The following PKHD1L1 variants were observed in gnomAD, a reference collection of about 807,000 sequenced individuals.
PKHD1L1 encodes the protein PKHD1 like 1.
In PKHD1L1, 434 loss-of-function variants were observed where a neutral mutation model predicts 462.9. That is an observed-to-expected ratio of 0.94 (90% confidence interval 0.87 to 1.02). The LOEUF is 1.02. PKHD1L1 is among the 50% of genes least tolerant of loss of function. PKHD1L1 has a pLI of 0.00. For missense variants in PKHD1L1, 5,202 were observed against 5,096.1 expected, an observed-to-expected ratio of 1.02 and a Z score of -0.63; for synonymous variants, 1,781 against 1,750.0, an observed-to-expected ratio of 1.02 and a Z score of -0.44.
chr8:109,522,326 G>T lies in PKHD1L1; in HGVS notation c.12172G>T (p.Gly4058Trp). Residue 4058 changes from glycine to tryptophan, a missense_variant, in exon 74 of 78, where the codon GGG (glycine) becomes TGG (tryptophan). Physicochemically the swap from Gly to Trp is radical, Grantham distance 184. Coordinates refer to ENST00000378402, the MANE Select transcript of PKHD1L1 (RefSeq NM_177531.6). Reference protein sequence around the residue: ...TNPLPSPSDSGWIKVTAQPVE... With the variant: ...TNPLPSPSDSWWIKVTAQPVE... ...TCCCCTCCCCAGCCCAAGTGACTCTGGGTGGATTAAGGTAAGAAAATGCAA... is the reference window on the plus strand; with the variant it reads ...TCCCCTCCCCAGCCCAAGTGACTCTTGGTGGATTAAGGTAAGAAAATGCAA... 1 of 1,582,256 alleles carries T rather than the reference G, an allele frequency of 6.3e-7. No homozygotes were observed. The highest frequency in any genetic ancestry group is 8.6e-7 in the Non-Finnish European group (1 of 1,167,558).
At chr8:109,369,372 T>C (rs551473906) in intron 2 of PKHD1L1, among the ~76,000 whole-genome samples, 1 of 152,216 alleles carries the variant, frequency 6.6e-6, no homozygotes, top group Non-Finnish European at 1.5e-5. Context: ...GAAATATTTA[T>C]ATACTTGTTT....
intron 72 of PKHD1L1, 146 bp from the exon 73 acceptor site, chr8:109,518,021 T>C: frequency 1.6e-6 from 1 of 614,788 alleles, no homozygotes; most frequent in Non-Finnish European, 2.7e-6. Context: ...AGTGTTTTTG[T>C]TTTTAAAAAG....
At chr8:109,491,165 T>G in intron 61 of PKHD1L1, 64 bp downstream of exon 61, 2 of 1,475,690 alleles carry the variant, frequency 1.4e-6, no homozygotes, top group Non-Finnish European at 1.8e-6. Context: ...CTATATACTC[T>G]AGAGCTACAC....
chr8:109,370,950 A>G (rs1268265255), intron 2 of PKHD1L1, among the ~76,000 whole-genome samples: 1 of 152,168 alleles, frequency 6.6e-6, no homozygotes, highest in African/African-American at 2.4e-5. Context: ...GCTATTGTGA[A>G]TAGTGCCGCA....
chr8:109,471,081 A>T, intron 50 of PKHD1L1: 8 of 1,556,492 alleles, frequency 5.1e-6, no homozygotes, highest in South Asian at 2.2e-5. Context: ...CAAATTCCTC[A>T]TCAAACATAC....
intron 43 of PKHD1L1, 61 bp downstream of exon 43, chr8:109,452,935 T>TTAA: frequency 8.1e-7 from 1 of 1,231,514 alleles, no homozygotes; most frequent in African/African-American, 1.6e-5. Context: ...TGAAACTGAT[T>TTAA]TAATCAAAAT....
intron 43 of PKHD1L1, 66 bp downstream of exon 43, chr8:109,452,940 C>A: frequency 4.1e-6 from 5 of 1,207,252 alleles, no homozygotes; most frequent in South Asian, 2.8e-5. Context: ...CTGATTTAAT[C>A]AAAATCCACA....
At chr8:109,515,936 A>T (rs1820246167) in intron 72 of PKHD1L1, among the ~76,000 whole-genome samples, 1 of 152,118 alleles carries the variant, frequency 6.6e-6, no homozygotes. Flanking sequence ...TTCTGATATG[A>T]TCCATATTCT....
At chr8:109,414,542 G>A (rs1486857209) in intron 21 of PKHD1L1, among the ~76,000 whole-genome samples, 1 of 150,766 alleles carries the variant, frequency 6.6e-6, no homozygotes, top group Non-Finnish European at 1.5e-5. Context: ...TATTTTATAT[G>A]GGTCTATACA....
Position 109,465,225 on chromosome 8 carries a change from A to C in PKHD1L1, c.8393A>C (p.Asp2798Ala). The C allele has an allele frequency of 6.2e-7, 1 of 1,613,008 alleles. No individual in the cohort carries two copies. The highest frequency in any genetic ancestry group is 8.5e-7 in the Non-Finnish European group (1 of 1,179,312). ...FRWEHEMVMIDVDGSLTGHKG... is the reference protein window; with the variant it reads ...FRWEHEMVMIAVDGSLTGHKG... ...TGGGAACATGAAATGGTAATGATTG[A>C]TGTTGATGGCTCACTTACAGGTAAT... The change falls in exon 49 of 78, where the codon GAT (aspartate) becomes GCT (alanine). Residue 2798 changes from aspartate to alanine, a missense_variant. By Grantham distance (126) the Asp-to-Ala change is moderately radical (BLOSUM62 -2). Around this residue, in one of 3 missense-constraint regions of PKHD1L1, gnomAD observed 4,497 missense variants for 4,336.8 expected, o/e 1.04. Coordinates refer to ENST00000378402, the MANE Select transcript of PKHD1L1 (RefSeq NM_177531.6).
Position 109,398,477 on chromosome 8 carries a change from TG to T in PKHD1L1, c.942del (p.Asn315MetfsTer28). The T allele has an allele frequency of 6.4e-7, 1 of 1,560,044 alleles. No individual in the cohort carries two copies. Among genetic ancestry groups the T allele is most frequent in the Non-Finnish European group, 8.7e-7 (1 of 1,147,072 alleles). ...VLVGGEPCDILNVTENSICCK... is the reference protein window; with the variant it reads ...VLVGGEPCDIXNVTENSICCK... The stretch of plus-strand genomic sequence containing the variant: ...TCTATAGGTGAACCTTGTGATATTT[TG>T]AATGTCACAGAAAATAGTATATGTT... On this transcript the variant is annotated frameshift_variant, in exon 12 of 78. Coordinates refer to ENST00000378402, the MANE Select transcript of PKHD1L1 (RefSeq NM_177531.6). LOFTEE classifies it high-confidence loss of function.
intron 36 of PKHD1L1, among the ~76,000 whole-genome samples, chr8:109,443,373 A>G (rs1563548221): frequency 6.6e-6 from 1 of 152,154 alleles, no homozygotes; most frequent in Non-Finnish European, 1.5e-5. Context: ...TTCTGACACT[A>G]TGTATGTGCC....
intron 68 of PKHD1L1, among the ~76,000 whole-genome samples, chr8:109,506,832 C>T (rs943113771): frequency 6.6e-6 from 1 of 152,020 alleles, no homozygotes; most frequent in African/African-American, 2.4e-5. Context: ...ATAACTCTGC[C>T]CATGGTATAT....
Position 109,438,968 on chromosome 8 carries a change from G to A in PKHD1L1, c.3832G>A (p.Gly1278Arg), listed in dbSNP as rs776236106. The A allele has an allele frequency of 1.2e-6, 2 of 1,613,600 alleles. No homozygotes were observed. Among genetic ancestry groups the A allele is most frequent in the Non-Finnish European group, 1.7e-6 (2 of 1,179,660 alleles). The change falls in exon 32 of 78, where the codon GGA becomes AGA. Residue 1278 changes from glycine (G) to arginine (R), a missense_variant. Physicochemically the swap from Gly to Arg is moderately radical, Grantham distance 125 (BLOSUM62 -2). Coordinates refer to ENST00000378402, the MANE Select transcript of PKHD1L1 (RefSeq NM_177531.6). Reference protein sequence around the residue: ...ELTQNMAVYVGGKTCQILHWN... With the variant: ...ELTQNMAVYVRGKTCQILHWN... ...CACACAAAACATGGCGGTGTATGTT[G>A]GAGGAAAAACCTGCCAGATTCTTCA...
intron 2 of PKHD1L1, among the ~76,000 whole-genome samples, chr8:109,377,156 G>T (rs372121986): frequency 6.6e-6 from 1 of 152,178 alleles, no homozygotes; most frequent in Non-Finnish European, 1.5e-5. Context: ...TATTATTTAA[G>T]GTGAGCACAT....
chr8:109,503,305 CAA>C (rs1239005707), intron 67 of PKHD1L1, among the ~76,000 whole-genome samples: 7 of 22,442 alleles, frequency 3.1e-4, no homozygotes, highest in African/African-American at 1.1e-3. Flanking sequence ...AAAACAAAAA[CAA>C]AAACAAACAA....
At chr8:109,508,951 C>T (rs1483175237) in intron 70 of PKHD1L1, among the ~76,000 whole-genome samples, 3 of 152,028 alleles carry the variant, frequency 2.0e-5, no homozygotes, top group African/African-American at 4.8e-5. Flanking sequence ...AGGGATTCAT[C>T]GTATATCCTT....
intron 7 of PKHD1L1, among the ~76,000 whole-genome samples, chr8:109,388,803 G>A (rs1242724253): frequency 6.6e-6 from 1 of 152,038 alleles, no homozygotes; most frequent in Non-Finnish European, 1.5e-5. Context: ...TCTTTACCAA[G>A]CAATTATTTC....
In PKHD1L1 at chr8:109,475,222, G is replaced by A. The variant is rs1817916871; in HGVS notation, c.8710G>A (p.Asp2904Asn). 1.9e-6 allele frequency: 3 copies of A among 1,611,636 alleles called. No individual in the cohort carries two copies. Among genetic ancestry groups the A allele is most frequent in the Non-Finnish European group, 2.5e-6 (3 of 1,178,558 alleles). The change falls in exon 51 of 78, where the codon GAT becomes AAT. Residue 2904 changes from aspartate (D) to asparagine (N), a missense_variant. Physicochemically the swap from Asp to Asn is conservative, Grantham distance 23. Around this residue, in one of 3 missense-constraint regions of PKHD1L1, gnomAD observed 4,497 missense variants for 4,336.8 expected, o/e 1.04. Coordinates refer to ENST00000378402, the MANE Select transcript of PKHD1L1 (RefSeq NM_177531.6). Reference sequence around the variant, plus strand: ...CATTAACTGGTATTTTAAAGGTGTGGATCACATAACCAACATTTCATATAC... The same window carrying A: ...CATTAACTGGTATTTTAAAGGTGTGAATCACATAACCAACATTTCATATAC... ...NHINWYFKGV[D>N]HITNISYTST...
Sources: gnomAD v4.1 joint callset for allele counts (sites outside exome capture counted in the v4.1 genomes callset) on GRCh38, gnomAD v4.1.1 for gene constraint, gnomAD v4.1.1 regional missense constraint, MANE v1.5 for transcripts, NCBI Gene and HGNC (gene_info 2026-07-23, HGNC 2026-07-21) for gene names.